The following FAM171A1 variants were observed in gnomAD, a reference collection of about 807,000 sequenced individuals.
FAM171A1 encodes family with sequence similarity 171 member A1.
FAM171A1 carries 23 observed loss-of-function variants against 74.9 expected under a neutral mutation model. The observed-to-expected ratio is 0.31, with a 90% CI of 0.22 to 0.44. The LOEUF is 0.44. Ranked by LOEUF, FAM171A1 falls within the 20% of genes least tolerant of loss-of-function variation. The pLI is 1.00. For synonymous variants in FAM171A1, 527 were observed against 505.7 expected (o/e 1.04, Z -0.57); for missense variants, 1,162 against 1,159.2 (o/e 1.00, Z -0.03).
intron 1 of FAM171A1, among the ~76,000 whole-genome samples, chr10:15,323,725 G>A (rs891418275): frequency 1.3e-5 from 2 of 152,058 alleles, no homozygotes; most frequent in Non-Finnish European, 2.9e-5. Flanking sequence ...TGAAAAGGAC[G>A]TGGTATTTTA....
chr10:15,370,240 C>CTTTTTTT (rs34087157), intron 1 of FAM171A1, among the ~76,000 whole-genome samples: 2 of 110,866 alleles, frequency 1.8e-5, no homozygotes, highest in African/African-American at 3.3e-5. Flanking sequence ...AAGGATTTTT[C>CTTTTTTT]TTTTTTTTTT....
chr10:15,212,857 C>T lies in FAM171A1; in HGVS notation c.*58G>A. On this transcript the variant is annotated 3_prime_UTR_variant, in exon 8 of 8. Transcript: ENST00000378116. ...TTCCTCCACGAACGGGTACGCGCTT[C>T]CATGAGAAAGGATATTTGGCAATTT... The T allele has an allele frequency of 6.3e-7, 1 of 1,596,322 alleles. No individual in the cohort carries two copies. The highest frequency in any genetic ancestry group is 1.1e-5 in the South Asian group (1 of 87,826).
At chr10:15,229,553 T>C (rs1438412141) in intron 5 of FAM171A1, among the ~76,000 whole-genome samples, 18 of 85,546 alleles carry the variant, frequency 2.1e-4, no homozygotes, top group Admixed American at 1.6e-3. Context: ...TCATCACCAT[T>C]GTCACCCCCA....
At chr10:15,230,063 C>T (rs1834185295) in intron 5 of FAM171A1, among the ~76,000 whole-genome samples, 1 of 152,226 alleles carries the variant, frequency 6.6e-6, no homozygotes, top group East Asian at 1.9e-4. Flanking sequence ...TTCCTACCAA[C>T]TGTATATATA....
At chr10:15,248,956 T>A in intron 4 of FAM171A1, 141 bp from the exon 5 acceptor site, 1 of 688,214 alleles carries the variant, frequency 1.5e-6, no homozygotes, top group Non-Finnish European at 2.3e-6. Context: ...TACATAATCC[T>A]CACCACAACC....
chr10:15,253,346 C>A (rs1301917133), intron 4 of FAM171A1, among the ~76,000 whole-genome samples: 2 of 152,164 alleles, frequency 1.3e-5, no homozygotes, highest in African/African-American at 4.8e-5. Flanking sequence ...ACTTTTCTCC[C>A]AGACCGGCAC....
chr10:15,368,529 A>G (rs964398906), intron 1 of FAM171A1, among the ~76,000 whole-genome samples: 1 of 152,214 alleles, frequency 6.6e-6, no homozygotes, highest in African/African-American at 2.4e-5. Flanking sequence ...TAAAAGCAAG[A>G]TTCTTACAAA....
intron 1 of FAM171A1, among the ~76,000 whole-genome samples, chr10:15,297,938 T>C (rs1835180473): frequency 6.6e-6 from 1 of 152,202 alleles, no homozygotes; most frequent in Non-Finnish European, 1.5e-5. Flanking sequence ...TAGGGAAATA[T>C]ACCAGGATAA....
At chr10:15,215,096 T>C (rs1833951180) in intron 7 of FAM171A1, among the ~76,000 whole-genome samples, 1 of 152,178 alleles carries the variant, frequency 6.6e-6, no homozygotes, top group African/African-American at 2.4e-5. Context: ...AGAGATTTCA[T>C]CTTTTACTGT....
intron 1 of FAM171A1, among the ~76,000 whole-genome samples, chr10:15,333,803 T>C (rs192190932): frequency 4.7e-5 from 7 of 150,178 alleles, no homozygotes; most frequent in Non-Finnish European, 7.4e-5. Flanking sequence ...CACTGCACTC[T>C]AGCCTGGGTG....
intron 6 of FAM171A1, among the ~76,000 whole-genome samples, chr10:15,216,726 C>T (rs1280397205): frequency 6.6e-6 from 1 of 151,932 alleles, no homozygotes; most frequent in African/African-American, 2.4e-5. Context: ...AGCCACTGTG[C>T]CCAGCCATAT....
intron 5 of FAM171A1, among the ~76,000 whole-genome samples, chr10:15,231,989 A>T (rs1489939597): frequency 2.6e-5 from 4 of 152,130 alleles, no homozygotes; most frequent in Non-Finnish European, 5.9e-5. Flanking sequence ...GCTACTTAGG[A>T]GGCTGAGGCA....
chr10:15,293,792 C>T (rs878984786), intron 1 of FAM171A1, among the ~76,000 whole-genome samples: 1 of 152,168 alleles, frequency 6.6e-6, no homozygotes, highest in Non-Finnish European at 1.5e-5. Flanking sequence ...AGGAATAATG[C>T]TTCTTGGAAG....
At chr10:15,267,257 G>A (rs1316056933) in intron 3 of FAM171A1, among the ~76,000 whole-genome samples, 1 of 152,182 alleles carries the variant, frequency 6.6e-6, no homozygotes, top group African/African-American at 2.4e-5. Flanking sequence ...GCACAGAACC[G>A]ATGACTGTGA....
At chr10:15,331,886 T>C (rs1219860573) in intron 1 of FAM171A1, among the ~76,000 whole-genome samples, 1 of 137,484 alleles carries the variant, frequency 7.3e-6, no homozygotes, top group African/African-American at 2.6e-5. Flanking sequence ...TATACATATA[T>C]ATATATATAT....
At chr10:15,331,859 G>GTGTATACATATACA (rs60559617) in intron 1 of FAM171A1, among the ~76,000 whole-genome samples, 25 of 44,928 alleles carry the variant, frequency 5.6e-4, no homozygotes, top group African/African-American at 2.2e-3. Flanking sequence ...ATATATGTGT[G>GTGTATACATATACA]TATATATATG....
At chr10:15,335,902 C>T (rs1835694393) in intron 1 of FAM171A1, among the ~76,000 whole-genome samples, 1 of 152,084 alleles carries the variant, frequency 6.6e-6, no homozygotes, top group Non-Finnish European at 1.5e-5. Flanking sequence ...AGATGAGGCT[C>T]ATTTTTATCT....
intron 1 of FAM171A1, among the ~76,000 whole-genome samples, chr10:15,343,311 G>A (rs369631496): frequency 5.9e-5 from 9 of 152,148 alleles, no homozygotes; most frequent in African/African-American, 2.2e-4. Context: ...CGAGGCTATA[G>A]TGAGCTATGA....
At chr10:15,333,815 C>T (rs758872351) in intron 1 of FAM171A1, among the ~76,000 whole-genome samples, 1 of 151,666 alleles carries the variant, frequency 6.6e-6, no homozygotes, top group Non-Finnish European at 1.5e-5. Context: ...GCCTGGGTGA[C>T]AGAGTGAGAC....
Sources: allele counts gnomAD v4.1 joint callset (sites outside exome capture counted in the v4.1 genomes callset), GRCh38; gene constraint gnomAD v4.1.1; transcripts MANE v1.5; gene names NCBI Gene and HGNC (gene_info 2026-07-23, HGNC 2026-07-21).